Variants in KLF12 observed in about 807,000 individuals in gnomAD.
The protein encoded by KLF12 is Krueppel-like factor 12.
KLF12 carries 9 observed loss-of-function variants against 37.8 expected under a neutral mutation model. The ratio of observed to expected loss-of-function variants is 0.24; its 90% CI spans 0.14 to 0.42. KLF12 has a LOEUF of 0.42. KLF12 is among the 10% of genes least tolerant of loss of function. The pLI is 1.00. For missense variants in KLF12, 411 were observed against 516.0 expected (o/e 0.80, Z 1.97); for synonymous variants, 208 against 202.1 (o/e 1.03, Z -0.25).
chr13:73,921,757 A>G (rs546749491), intron 3 of KLF12, among the ~76,000 whole-genome samples: 1 of 152,330 alleles, frequency 6.6e-6, no homozygotes, highest in African/African-American at 2.4e-5. Context: ...AATAACACAC[A>G]TTTTAAAACC....
At chr13:74,172,167 A>ACACACACACACG in the KLF12 span, among the ~76,000 whole-genome samples, 1 of 151,950 alleles carries the variant, frequency 6.6e-6, no homozygotes, top group African/African-American at 2.4e-5. Context: ...ACACACACAC[A>ACACACACACACG]CACACTCTAC....
chr13:74,216,811 C>T, the KLF12 span, among the ~76,000 whole-genome samples: 10 of 152,164 alleles, frequency 6.6e-5, no homozygotes, highest in East Asian at 5.8e-4. Flanking sequence ...CCTACCTTGA[C>T]GGGAAGGAGA....
At chr13:73,823,426 G>A (rs1343171885) in intron 4 of KLF12, among the ~76,000 whole-genome samples, 5 of 152,178 alleles carry the variant, frequency 3.3e-5, no homozygotes, top group African/African-American at 9.7e-5. Flanking sequence ...AGGGGTGGGC[G>A]GAGGCATGCA....
At chr13:73,896,719 A>G (rs1330484739) in intron 3 of KLF12, among the ~76,000 whole-genome samples, 1 of 152,164 alleles carries the variant, frequency 6.6e-6, no homozygotes, top group African/African-American at 2.4e-5. Flanking sequence ...TTTAACCTAA[A>G]ACCTAAAAAC....
the KLF12 span, among the ~76,000 whole-genome samples, chr13:74,282,119 G>C: frequency 6.6e-6 from 1 of 152,176 alleles, no homozygotes; most frequent in Non-Finnish European, 1.5e-5. Context: ...GCCCTAGAAA[G>C]TATGACTCAG....
At chr13:73,759,242 T>C (rs1879388691) in intron 6 of KLF12, among the ~76,000 whole-genome samples, 1 of 152,180 alleles carries the variant, frequency 6.6e-6, no homozygotes, top group Admixed American at 6.5e-5. Flanking sequence ...CCAACACGCA[T>C]GGCTTAAAAA....
chr13:74,123,234 T>A (rs1013404134), intron 1 of KLF12, among the ~76,000 whole-genome samples: 10 of 152,094 alleles, frequency 6.6e-5, no homozygotes, highest in African/African-American at 1.9e-4. Context: ...TTATACACAT[T>A]TAAGATTAAA....
chr13:73,805,977 A>G (rs1304899727), intron 5 of KLF12, among the ~76,000 whole-genome samples: 1 of 150,716 alleles, frequency 6.6e-6, no homozygotes, highest in Admixed American at 6.6e-5. Context: ...ACTAATTTTC[A>G]TATTTTTGTA....
chr13:73,740,530 T>TG (rs988089946), intron 6 of KLF12, among the ~76,000 whole-genome samples: 7 of 152,164 alleles, frequency 4.6e-5, no homozygotes, highest in Non-Finnish European at 8.8e-5. Flanking sequence ...TAAATAGAGA[T>TG]GGGGTCTCAC....
intron 2 of KLF12, among the ~76,000 whole-genome samples, chr13:73,953,970 C>CTTTTTTTTTTTTTTTTT (rs67945624): frequency 1.1e-5 from 1 of 88,534 alleles, no homozygotes. Context: ...TTTTTTCTTT[C>CTTTTTTTTTTTTTTTTT]TTTTTTTTTT....
At chr13:73,718,552 T>C (rs1875985682) in intron 6 of KLF12, among the ~76,000 whole-genome samples, 2 of 152,102 alleles carry the variant, frequency 1.3e-5, no homozygotes, top group Admixed American at 1.3e-4. Context: ...GCTCAGAAGC[T>C]CAAGACCAGC....
chr13:74,211,985 T>C, the KLF12 span, among the ~76,000 whole-genome samples: 2 of 152,222 alleles, frequency 1.3e-5, no homozygotes, highest in Non-Finnish European at 2.9e-5. Flanking sequence ...ATTGCTTTTT[T>C]TTACATATAC....
intron 1 of KLF12, among the ~76,000 whole-genome samples, chr13:74,077,016 T>G (rs1318165612): frequency 6.6e-6 from 1 of 152,236 alleles, no homozygotes; most frequent in Non-Finnish European, 1.5e-5. Context: ...GTGGTGTATA[T>G]GTACCACATT....
At chr13:74,105,725 C>G (rs986675215) in intron 1 of KLF12, among the ~76,000 whole-genome samples, 1 of 151,920 alleles carries the variant, frequency 6.6e-6, no homozygotes, top group Non-Finnish European at 1.5e-5. Flanking sequence ...AGGACCTTTC[C>G]CATGAAAGGA....
chr13:73,740,506 T>A (rs1460422216), intron 6 of KLF12, among the ~76,000 whole-genome samples: 2 of 146,662 alleles, frequency 1.4e-5, no homozygotes, highest in African/African-American at 5.5e-5. Context: ...GATCCTTTAG[T>A]TTATTTTTAT....
chr13:74,209,521 G>GACACACACAC, the KLF12 span, among the ~76,000 whole-genome samples: 2 of 53,602 alleles, frequency 3.7e-5, no homozygotes, highest in African/African-American at 1.4e-4. Context: ...TAACATCTTA[G>GACACACACAC]TCACACACAC....
At chr13:74,093,469 T>C (rs993653760) in intron 1 of KLF12, among the ~76,000 whole-genome samples, 1 of 152,060 alleles carries the variant, frequency 6.6e-6, no homozygotes, top group Non-Finnish European at 1.5e-5. Context: ...GCATAAAGAA[T>C]AAGAAAATTA....
rs117547045 is a variant in KLF12 at position 73,686,267 on chromosome 13, C to T, written c.*9223G>A. The stretch of plus-strand genomic sequence containing the variant: ...TCTGAGACACCATTAAAAACAATAA[C>T]ACTTGTTCATTTAAATCTCTGAGAA... On this transcript the variant is annotated 3_prime_UTR_variant, in exon 8 of 8. Transcript: ENST00000377669. 1.1e-4 allele frequency: 17 copies of T among 152,708 alleles called. No homozygotes were observed. In the East Asian group the frequency reaches 3.3e-3, roughly 29 times the overall value. The allele number at this position is 152,708 out of a possible 1,614,324, so 9.5% of individuals were successfully genotyped here. A position where few individuals can be genotyped will look rare whatever the true frequency, so the allele number is the denominator to read the frequency against.
chr13:74,238,587 G>A, the KLF12 span, among the ~76,000 whole-genome samples: 1 of 135,480 alleles, frequency 7.4e-6, no homozygotes, highest in African/African-American at 3.5e-5. Context: ...TTTTTGGTTG[G>A]TAAGCTATCG....
Sources: gnomAD v4.1 joint callset for allele counts (sites outside exome capture counted in the v4.1 genomes callset) on GRCh38, gnomAD v4.1.1 for gene constraint, MANE v1.5 for transcripts, NCBI Gene and HGNC (gene_info 2026-07-23, HGNC 2026-07-21) for gene names.